PLPPR1: variants seen among roughly 807,000 people sequenced by gnomAD.
PLPPR1 encodes the protein phospholipid phosphatase-related protein type 1.
In PLPPR1, 10 loss-of-function variants were observed where a neutral mutation model predicts 33.1. The ratio of observed to expected loss-of-function variants is 0.30; its 90% CI spans 0.19 to 0.51. The LOEUF (loss-of-function observed/expected upper bound fraction) is 0.51. Ranked by LOEUF, PLPPR1 falls within the 20% of genes least tolerant of loss-of-function variation. PLPPR1 has a pLI of 0.97. For synonymous variants in PLPPR1, 151 were observed against 151.0 expected, an observed-to-expected ratio of 1.00 and a Z score of 0.00; for missense variants, 304 against 408.1, an observed-to-expected ratio of 0.74 and a Z score of 2.20.
At chr9:101,102,734 A>G (rs1341990607) in intron 1 of PLPPR1, among the ~76,000 whole-genome samples, 16 of 98,914 alleles carry the variant, frequency 1.6e-4, no homozygotes, top group Middle Eastern at 0.011. Context: ...GACTTCCACA[A>G]TGGTTGAACT....
At chr9:101,168,539 A>AT (rs1380099223) in intron 1 of PLPPR1, among the ~76,000 whole-genome samples, 2 of 152,058 alleles carry the variant, frequency 1.3e-5, no homozygotes, top group African/African-American at 4.8e-5. Flanking sequence ...TCTCTATGTT[A>AT]TTTTTTAAAA....
At chr9:101,319,367 G>A (rs890332046) in intron 7 of PLPPR1, among the ~76,000 whole-genome samples, 4 of 152,246 alleles carry the variant, frequency 2.6e-5, no homozygotes, top group Non-Finnish European at 4.4e-5. Context: ...TAGTAGAGAC[G>A]GTTTTTTGCC....
intron 1 of PLPPR1, among the ~76,000 whole-genome samples, chr9:101,077,116 C>T (rs1218478402): frequency 6.6e-6 from 1 of 152,184 alleles, no homozygotes; most frequent in East Asian, 1.9e-4. Context: ...AAATCCCTCA[C>T]ACCCCATTGA....
intron 7 of PLPPR1, among the ~76,000 whole-genome samples, chr9:101,318,828 T>A (rs947705544): frequency 1.3e-5 from 2 of 152,068 alleles, no homozygotes; most frequent in East Asian, 3.9e-4. Context: ...TGATGTTAGA[T>A]TACCTGCCCG....
intron 1 of PLPPR1, among the ~76,000 whole-genome samples, chr9:101,155,369 G>A (rs1312021441): frequency 6.6e-6 from 1 of 152,158 alleles, no homozygotes. Flanking sequence ...AAAGTTGAGA[G>A]GCTTGCATCT....
intron 4 of PLPPR1, among the ~76,000 whole-genome samples, chr9:101,295,678 C>A (rs1322202856): frequency 6.6e-6 from 1 of 151,456 alleles, no homozygotes; most frequent in Non-Finnish European, 1.5e-5. Flanking sequence ...CTTTGACAAA[C>A]CTGAGAAAAA....
At chr9:101,243,207 C>T (rs940248761) in intron 2 of PLPPR1, among the ~76,000 whole-genome samples, 1 of 151,894 alleles carries the variant, frequency 6.6e-6, no homozygotes, top group African/African-American at 2.4e-5. Flanking sequence ...GTAGAGAGGA[C>T]CCAGGTCGTC....
At chr9:101,031,594 A>G (rs528266662) in intron 1 of PLPPR1, among the ~76,000 whole-genome samples, 17 of 152,312 alleles carry the variant, frequency 1.1e-4, no homozygotes, top group African/African-American at 3.6e-4. Flanking sequence ...AAGAAAGTAA[A>G]AAATGGTCCC....
chr9:101,295,005 C>T (rs1313589314), intron 4 of PLPPR1, among the ~76,000 whole-genome samples: 3 of 152,160 alleles, frequency 2.0e-5, no homozygotes, highest in Admixed American at 1.3e-4. Flanking sequence ...AAGAGGAAGT[C>T]AAATTGTCCC....
chr9:101,069,250 G>C (rs144805478), intron 1 of PLPPR1, among the ~76,000 whole-genome samples: 1 of 151,970 alleles, frequency 6.6e-6, no homozygotes, highest in Non-Finnish European at 1.5e-5. Flanking sequence ...CTGTAATAGA[G>C]CAACAACCAA....
At chr9:101,282,380 C>T (rs531159553) in intron 3 of PLPPR1, among the ~76,000 whole-genome samples, 1 of 152,128 alleles carries the variant, frequency 6.6e-6, no homozygotes, top group East Asian at 1.9e-4. Context: ...ATTTAAAAAA[C>T]CCTCAACAAA....
intron 2 of PLPPR1, among the ~76,000 whole-genome samples, chr9:101,200,598 A>G (rs986024994): frequency 1.3e-5 from 2 of 152,110 alleles, no homozygotes; most frequent in Non-Finnish European, 2.9e-5. Flanking sequence ...CCTAATTAAA[A>G]CTAAGTCAGT....
chr9:101,136,215 C>T (rs1016985286), intron 1 of PLPPR1, among the ~76,000 whole-genome samples: 17 of 152,202 alleles, frequency 1.1e-4, no homozygotes, highest in African/African-American at 4.1e-4. Flanking sequence ...CCATTTATTA[C>T]CAGCCCACTT....
In PLPPR1 at chr9:101,117,658, T is replaced by TA. The variant is rs534608741; in HGVS notation, c.-45-67776dup. Among the ~76,000 whole-genome samples, 279 of 142,060 alleles carry TA rather than the reference T, an allele frequency of 2.0e-3. 1 individual carries two copies. The highest frequency in any genetic ancestry group is 0.016 in the East Asian group (79 of 4,810). The allele number at this position is 142,060 out of a possible 152,430, so 93.2% of individuals were successfully genotyped here. A position where few individuals can be genotyped will look rare whatever the true frequency, so the allele number is the denominator to read the frequency against. ...CTTTCTTAATAAACTTGCTTTCACT[T>TA]AAAAAAAAAAAAAAAAGTACAGGCT... On this transcript the variant is annotated intron_variant, in intron 1 of 7. Coordinates refer to ENST00000374874, the MANE Select transcript of PLPPR1 (RefSeq NM_207299.2).
chr9:101,206,831 C>G (rs897458606), intron 2 of PLPPR1, among the ~76,000 whole-genome samples: 4 of 152,064 alleles, frequency 2.6e-5, no homozygotes, highest in African/African-American at 9.7e-5. Context: ...TGCACCAGGG[C>G]CAAAGAGATT....
chr9:101,059,948 T>G (rs1185770295), intron 1 of PLPPR1, among the ~76,000 whole-genome samples: 1 of 151,970 alleles, frequency 6.6e-6, no homozygotes, highest in East Asian at 1.9e-4. Flanking sequence ...TACAATATTA[T>G]CCAGGAATCC....
At chr9:101,215,663 C>A (rs951408859) in intron 2 of PLPPR1, among the ~76,000 whole-genome samples, 1 of 152,084 alleles carries the variant, frequency 6.6e-6, no homozygotes, top group African/African-American at 2.4e-5. Flanking sequence ...CCTCTGGTAA[C>A]CATCATTGTA....
At chr9:101,166,361 G>A (rs1286052134) in intron 1 of PLPPR1, among the ~76,000 whole-genome samples, 2 of 152,112 alleles carry the variant, frequency 1.3e-5, no homozygotes, top group Non-Finnish European at 2.9e-5. Flanking sequence ...GGGAGACATC[G>A]TTTTTATCCC....
At chr9:101,032,735 A>G (rs753157646) in intron 1 of PLPPR1, among the ~76,000 whole-genome samples, 2 of 152,192 alleles carry the variant, frequency 1.3e-5, no homozygotes, top group Non-Finnish European at 2.9e-5. Context: ...ACTGACTTGG[A>G]GGTCAGTGTT....
Sources: gnomAD v4.1 joint callset for allele counts (sites outside exome capture counted in the v4.1 genomes callset) on GRCh38, gnomAD v4.1.1 for gene constraint, MANE v1.5 for transcripts, NCBI Gene and HGNC (gene_info 2026-07-23, HGNC 2026-07-21) for gene names.